Variants in ARHGEF9 observed in about 807,000 individuals in gnomAD.
ARHGEF9 encodes the protein Cdc42 guanine nucleotide exchange factor 9.
A neutral mutation model predicts 41.3 loss-of-function variants in ARHGEF9; 2 were observed. The observed-to-expected ratio is 0.05, with a 90% CI of 0.02 to 0.15. ARHGEF9 has a LOEUF of 0.15. Among genes scored for constraint, ARHGEF9 ranks in the 10% least tolerant of loss-of-function variants. The pLI is 1.00. For synonymous variants in ARHGEF9, 160 were observed against 154.4 expected, an observed-to-expected ratio of 1.04 and a Z score of -0.27; for missense variants, 225 against 424.7, an observed-to-expected ratio of 0.53 and a Z score of 4.13.
chrX:63,662,289 A>C (rs142815915), intron 7 of ARHGEF9, among the ~76,000 whole-genome samples: 335 of 112,006 alleles, frequency 3.0e-3, no homozygotes, highest in African/African-American at 0.01. Context: ...CTGATTACAA[A>C]CTTTATGTTT....
intron 3 of ARHGEF9, among the ~76,000 whole-genome samples, chrX:63,698,949 T>C (rs2051962358): frequency 9.0e-6 from 1 of 111,700 alleles, no homozygotes; most frequent in Non-Finnish European, 1.9e-5. Flanking sequence ...CAGAGGTTGC[T>C]CCCCAAATTC....
At chrX:63,718,005 A>C (rs1556411253) in intron 2 of ARHGEF9, among the ~76,000 whole-genome samples, 3 of 111,959 alleles carry the variant, frequency 2.7e-5, no homozygotes, top group Non-Finnish European at 5.6e-5. Context: ...ATCTGTCCTG[A>C]GGTATAACTG....
chrX:63,685,228 T>C (rs1252773485), intron 4 of ARHGEF9, among the ~76,000 whole-genome samples: 1 of 111,716 alleles, frequency 9.0e-6, no homozygotes, highest in African/African-American at 3.2e-5. Context: ...ACATCTTAAA[T>C]TTATACCTTA....
chrX:63,754,745 G>T, intron 1 of ARHGEF9: 1 of 951,963 alleles, frequency 1.1e-6, no homozygotes, highest in Non-Finnish European at 1.3e-6. Flanking sequence ...TTAGTCGGGG[G>T]AGGGGAGGGG....
chrX:63,736,698 A>G (rs1385258718), intron 1 of ARHGEF9, among the ~76,000 whole-genome samples: 4 of 112,274 alleles, frequency 3.6e-5, no homozygotes, highest in Non-Finnish European at 7.5e-5. Flanking sequence ...AAACAAAAAT[A>G]CAAACATTTA....
intron 2 of ARHGEF9, among the ~76,000 whole-genome samples, chrX:63,716,319 T>C (rs1436299891): frequency 9.1e-6 from 1 of 110,010 alleles, no homozygotes; most frequent in Non-Finnish European, 1.9e-5. Context: ...GAAGAAATTA[T>C]GGAGAATGGG....
chrX:63,687,752 C>G (rs1379102318), intron 4 of ARHGEF9, among the ~76,000 whole-genome samples: 2 of 109,308 alleles, frequency 1.8e-5, no homozygotes, highest in African/African-American at 6.7e-5. Flanking sequence ...GTCTCAACAA[C>G]AGAATTGATC....
intron 6 of ARHGEF9, among the ~76,000 whole-genome samples, chrX:63,668,805 G>T (rs1324812619): frequency 4.5e-5 from 5 of 112,207 alleles, no homozygotes; most frequent in African/African-American, 1.6e-4. Context: ...CAGGGTCAAA[G>T]AAATTGGAAG....
At chrX:63,666,486 A>ACACACACACC (rs2049583531) in intron 6 of ARHGEF9, among the ~76,000 whole-genome samples, 1 of 106,058 alleles carries the variant, frequency 9.4e-6, no homozygotes, top group African/African-American at 3.5e-5. Context: ...ACACACACAC[A>ACACACACACC]CATATATATA....
chrX:63,675,438 G>A (rs782761739), intron 5 of ARHGEF9, among the ~76,000 whole-genome samples: 1 of 111,961 alleles, frequency 8.9e-6, no homozygotes, highest in South Asian at 3.7e-4. Flanking sequence ...GCCAGACTTT[G>A]TGGGATCAAA....
intron 4 of ARHGEF9, among the ~76,000 whole-genome samples, chrX:63,690,006 G>C (rs2051237824): frequency 9.0e-6 from 1 of 110,948 alleles, no homozygotes; most frequent in African/African-American, 3.3e-5. Context: ...AGTACAAAGA[G>C]GAAAATTTAT....
rs1556298486 is a variant in ARHGEF9, at chrX:63,636,917, T to A, written c.*1111A>T. On this transcript the variant is annotated 3_prime_UTR_variant, in exon 10 of 10. Transcript: ENST00000671741. ...TACTTCTATCAATGCTGCCCAAACA[T>A]CTGTAAATGGGAGCAGGGACAACCA... 3.4e-6 allele frequency: 1 copy of A among 295,151 alleles called. No homozygotes were observed. The highest frequency in any genetic ancestry group is 5.9e-6 in the Non-Finnish European group (1 of 169,977). The allele number at this position is 295,151 out of a possible 1,213,427, so 24.3% of individuals were successfully genotyped here.
At chrX:63,687,018 G>T (rs1375739656) in intron 4 of ARHGEF9, among the ~76,000 whole-genome samples, 2 of 103,126 alleles carry the variant, frequency 1.9e-5, no homozygotes, top group African/African-American at 7.1e-5. Flanking sequence ...TTGAATGCCT[G>T]CAGAGTAAAA....
intron 2 of ARHGEF9, among the ~76,000 whole-genome samples, chrX:63,714,314 C>A (rs1760116574): frequency 8.9e-6 from 1 of 112,472 alleles, no homozygotes; most frequent in South Asian, 3.7e-4. Flanking sequence ...TCTCTGAAAA[C>A]CTAGTTCAAG....
intron 1 of ARHGEF9, among the ~76,000 whole-genome samples, chrX:63,756,297 A>G (rs2055927535): frequency 2.7e-5 from 3 of 112,181 alleles, no homozygotes; most frequent in Non-Finnish European, 3.8e-5. Flanking sequence ...CTCTTATATT[A>G]TAGGATTATA....
intron 1 of ARHGEF9, among the ~76,000 whole-genome samples, chrX:63,774,632 C>G (rs1264749682): frequency 9.0e-6 from 1 of 111,339 alleles, no homozygotes; most frequent in Non-Finnish European, 1.9e-5. Flanking sequence ...CTGCTTGGAA[C>G]AACTCATGCT....
rs182532759 is a variant in ARHGEF9 at position 63,696,704 on chromosome X, A to G, written c.582+421T>C. 2.1e-3 allele frequency among the ~76,000 whole-genome samples: 234 copies of G among 111,792 alleles called. 2 individuals carry two copies. The highest frequency in any genetic ancestry group is 2.2e-3 in the Non-Finnish European group (118 of 53,137). ...CATGGAAACTTAACAGAAACAAAAAAGGGAAGATGAAGAAAAATTCTACTG... is the reference window on the plus strand; with the variant it reads ...CATGGAAACTTAACAGAAACAAAAAGGGGAAGATGAAGAAAAATTCTACTG... On this transcript the variant is annotated intron_variant, in intron 4 of 9. Transcript: ENST00000671741.
intron 1 of ARHGEF9, among the ~76,000 whole-genome samples, chrX:63,772,068 C>A (rs782185554): frequency 8.9e-6 from 1 of 111,889 alleles, no homozygotes; most frequent in Non-Finnish European, 1.9e-5. Context: ...ATGTACATAT[C>A]TTATTGGTTC....
intron 1 of ARHGEF9, among the ~76,000 whole-genome samples, chrX:63,781,570 A>G (rs1462744084): frequency 3.6e-5 from 4 of 111,998 alleles, no homozygotes; most frequent in Non-Finnish European, 7.5e-5. Context: ...GACACGTATC[A>G]TCTATAAACA....
Sources: gnomAD v4.1 joint callset for allele counts (sites outside exome capture counted in the v4.1 genomes callset) on GRCh38, gnomAD v4.1.1 for gene constraint, MANE v1.5 for transcripts, NCBI Gene and HGNC (gene_info 2026-07-23, HGNC 2026-07-21) for gene names.